The following SNX25 variants were observed in gnomAD, a reference collection of about 807,000 sequenced individuals.
The protein encoded by SNX25 is sorting nexin-25.
A neutral mutation model predicts 113.7 loss-of-function variants in SNX25; 62 were observed. That is an observed-to-expected ratio of 0.55 (90% CI 0.44 to 0.67). SNX25 has a LOEUF of 0.67. SNX25 is among the 30% of genes least tolerant of loss of function. The pLI is 0.00. For synonymous variants in SNX25, 421 were observed against 436.2 expected, an observed-to-expected ratio of 0.97 and a Z score of 0.43; for missense variants, 1,014 against 1,161.0, an observed-to-expected ratio of 0.87 and a Z score of 1.84.
At position 185,332,759 on chromosome 4, in the gene SNX25, G is replaced by T; in HGVS notation, c.1914G>T (p.Lys638Asn). 1 of 1,612,160 alleles carries T rather than the reference G, an allele frequency of 6.2e-7. No individual in the cohort carries two copies. Among genetic ancestry groups the T allele is most frequent in the South Asian group, 1.1e-5 (1 of 90,836 alleles). Residue 638 changes from lysine (K) to asparagine (N), a missense_variant and splice_region_variant, in exon 10 of 19, where the codon AAG becomes AAT. Lys to Asn is a moderately conservative substitution (Grantham distance 94). Transcript: ENST00000652585. ...SIQNAPKPDK[K>N]IVSKLKDEII... ...AAAATGCACCAAAACCTGACAAGAA[G>T]GTAACTCTTTGCTTTCAAGGTTGTC...
chr4:185,362,520 G>T, intron 17 of SNX25, 91 bp from the exon 18 acceptor site: 1 of 1,276,954 alleles, frequency 7.8e-7, no homozygotes, highest in Non-Finnish European at 1.1e-6. Flanking sequence ...TTTATTGACT[G>T]AAGGTGTATA....
intron 5 of SNX25, among the ~76,000 whole-genome samples, chr4:185,267,777 C>G (rs1170223650): frequency 6.6e-6 from 1 of 151,578 alleles, no homozygotes; most frequent in Admixed American, 6.6e-5. Flanking sequence ...TACTAAATAC[C>G]TTACTGTTGA....
In SNX25 at chr4:185,263,647, A is replaced by G. The variant is rs530319061; in HGVS notation, c.732-791A>G. ...TATGCACTAGTTTCATTTCCTGTGC[A>G]GTACCTAGTATGTTTCTCTCCCTCT... On this transcript the variant is annotated intron_variant, in intron 3 of 18. Transcript: ENST00000652585. Among the ~76,000 whole-genome samples the G allele has an allele frequency of 2.0e-5, 3 of 152,352 alleles. 1 individual carries two copies. The highest frequency in any genetic ancestry group is 7.2e-5 in the African/African-American group (3 of 41,580).
At chr4:185,305,649 C>T (rs920414899) in intron 6 of SNX25, among the ~76,000 whole-genome samples, 4 of 152,086 alleles carry the variant, frequency 2.6e-5, no homozygotes, top group African/African-American at 7.2e-5. Context: ...TGATGTTATT[C>T]GTAAGTCTGT....
chr4:185,245,663 T>C (rs1744764461), intron 1 of SNX25, among the ~76,000 whole-genome samples: 1 of 152,174 alleles, frequency 6.6e-6, no homozygotes, highest in African/African-American at 2.4e-5. Flanking sequence ...TATACAGTTA[T>C]TTTTAACATC....
At chr4:185,304,726 C>T (rs1056942747) in intron 6 of SNX25, among the ~76,000 whole-genome samples, 1 of 152,032 alleles carries the variant, frequency 6.6e-6, no homozygotes, top group Non-Finnish European at 1.5e-5. Context: ...TGGCCTCAAG[C>T]CATCCTCCCA....
chr4:185,323,858 A>C (rs865895144), intron 9 of SNX25, 58 bp downstream of exon 9: 1 of 1,585,248 alleles, frequency 6.3e-7, no homozygotes, highest in Middle Eastern at 1.8e-4. Flanking sequence ...AATATGTTTA[A>C]GTGGGTGCAT....
rs1745012880 is a variant in SNX25, at chr4:185,247,398, A to G, written c.514+20A>G. 2.1e-6 allele frequency: 3 copies of G among 1,439,384 alleles called. No homozygotes were observed. The highest frequency in any genetic ancestry group is 2.3e-5 in the East Asian group (1 of 43,976). 89.2% of individuals were successfully genotyped at this position (1,439,384 alleles called of 1,614,324 possible). On this transcript the variant is annotated intron_variant, in intron 2 of 18. Coordinates refer to ENST00000652585, the MANE Select transcript of SNX25 (RefSeq NM_001378034.2). The stretch of plus-strand genomic sequence containing the variant: ...AAGAAGGTAAGGATTAAATGAGAGT[A>G]TATAATTACCATGTAAAGCAATTCA...
chr4:185,230,542 G>A (rs1741687401), intron 1 of SNX25, among the ~76,000 whole-genome samples: 1 of 151,798 alleles, frequency 6.6e-6, no homozygotes, highest in Non-Finnish European at 1.5e-5. Flanking sequence ...ACAGGCATGA[G>A]CCAACACACC....
chr4:185,285,487 T>G (rs560445179), intron 5 of SNX25, among the ~76,000 whole-genome samples: 5 of 152,332 alleles, frequency 3.3e-5, no homozygotes, highest in Non-Finnish European at 2.9e-5. Flanking sequence ...GGGTTTTCAT[T>G]TTGATTTTTT....
At chr4:185,263,058 C>G (rs1232590650) in intron 3 of SNX25, among the ~76,000 whole-genome samples, 1 of 152,184 alleles carries the variant, frequency 6.6e-6, no homozygotes, top group Non-Finnish European at 1.5e-5. Flanking sequence ...GCCCTCTGGC[C>G]TTTGGCTCAG....
At chr4:185,297,945 G>C (rs1435367478) in intron 6 of SNX25, among the ~76,000 whole-genome samples, 4 of 152,102 alleles carry the variant, frequency 2.6e-5, no homozygotes. Context: ...ACAAACCTAA[G>C]TCAACCTTGT....
chr4:185,212,002 AAAATGAAG>A (rs1737890673), intron 1 of SNX25, among the ~76,000 whole-genome samples: 1 of 152,246 alleles, frequency 6.6e-6, no homozygotes, highest in Admixed American at 6.5e-5. Flanking sequence ...GGTGACAGAG[AAAATGAAG>A]CAGCATGTAT....
chr4:185,377,295 G>T, the SNX25 span: 1 of 330,032 alleles, frequency 3.0e-6, no homozygotes, highest in Non-Finnish European at 5.8e-6. Context: ...GAGGCGGGTG[G>T]ATCACCTGAG....
intron 2 of SNX25, among the ~76,000 whole-genome samples, chr4:185,251,373 C>T (rs1485482091): frequency 6.6e-6 from 1 of 152,168 alleles, no homozygotes; most frequent in Non-Finnish European, 1.5e-5. Context: ...AAAACTGAAA[C>T]TCTTTACTTA....
At chr4:185,362,988 A>ATGC (rs1230688809) in intron 18 of SNX25, among the ~76,000 whole-genome samples, 18 of 151,948 alleles carry the variant, frequency 1.2e-4, no homozygotes, top group Admixed American at 1.2e-3. Context: ...GATTACAGGC[A>ATGC]TGCACTACCA....
chr4:185,264,751 T>G, intron 4 of SNX25, 141 bp downstream of exon 4: 6 of 857,512 alleles, frequency 7.0e-6, no homozygotes, highest in Non-Finnish European at 6.9e-6. Flanking sequence ...TATTTGGCCA[T>G]TCAGGATAAA....
intron 11 of SNX25, chr4:185,369,709 A>G (rs767889857): frequency 2.3e-6 from 1 of 430,712 alleles, no homozygotes; most frequent in South Asian, 1.7e-5. Flanking sequence ...TTTTAAAGTA[A>G]TTTAGGGTTC....
intron 1 of SNX25, among the ~76,000 whole-genome samples, chr4:185,229,803 T>G (rs1741558619): frequency 6.6e-6 from 1 of 152,100 alleles, no homozygotes; most frequent in Non-Finnish European, 1.5e-5. Flanking sequence ...TCCAGGAAAA[T>G]AAATGATTTT....
Sources: allele counts gnomAD v4.1 joint callset (sites outside exome capture counted in the v4.1 genomes callset), GRCh38; gene constraint gnomAD v4.1.1; transcripts MANE v1.5; gene names NCBI Gene and HGNC (gene_info 2026-07-23, HGNC 2026-07-21).